The following DSCAM variants were observed in gnomAD, a reference collection of about 807,000 sequenced individuals.
DSCAM encodes the protein cell adhesion molecule DSCAM.
A neutral mutation model predicts 217.7 loss-of-function variants in DSCAM; 47 were observed. That is an observed-to-expected ratio of 0.22 (90% CI 0.17 to 0.28). The LOEUF (loss-of-function observed/expected upper bound fraction) is 0.28, where lower values mean the gene tolerates loss of function less well. DSCAM is among the 10% of genes least tolerant of loss of function. The pLI, the probability that DSCAM is intolerant of heterozygous loss-of-function variation, is 1.00. For missense variants in DSCAM, 2,080 were observed against 2,618.3 expected (o/e 0.79, Z 4.49); for synonymous variants, 1,056 against 1,015.3 (o/e 1.04, Z -0.76).
intron 16 of DSCAM, among the ~76,000 whole-genome samples, chr21:40,147,462 TAAAAAG>T (rs1033320368): frequency 3.3e-4 from 51 of 152,316 alleles, no homozygotes; most frequent in Admixed American, 2.5e-3. Flanking sequence ...AATATTTTGT[TAAAAAG>T]AAAAAGAAAA....
At chr21:40,519,745 A>G (rs984254092) in intron 3 of DSCAM, among the ~76,000 whole-genome samples, 4 of 152,132 alleles carry the variant, frequency 2.6e-5, no homozygotes, top group Non-Finnish European at 4.4e-5. Context: ...ATCATTCTTG[A>G]GCTTCCAGCC....
intron 3 of DSCAM, among the ~76,000 whole-genome samples, chr21:40,458,869 A>G (rs926946963): frequency 7.2e-5 from 11 of 152,176 alleles, no homozygotes; most frequent in African/African-American, 2.7e-4. Flanking sequence ...ATCAGGATTT[A>G]TGACCAAGAA....
rs2091703830 is a variant in DSCAM, at chr21:40,797,658, T to C, written c.43+48961A>G. Among the ~76,000 whole-genome samples the C allele has an allele frequency of 2.0e-5, 3 of 152,002 alleles. No homozygotes were observed. The South Asian group carries it at 6.2e-4, about 32-fold the overall frequency. On this transcript the variant is annotated intron_variant, in intron 1 of 32. Coordinates refer to ENST00000400454, the MANE Select transcript of DSCAM (RefSeq NM_001389.5). Reference sequence around the variant, plus strand: ...CTTGTTATGTAGAATTCATTATCTTTATTTCGGAGTGCAGCCCTATAAACA... The same window carrying C: ...CTTGTTATGTAGAATTCATTATCTTCATTTCGGAGTGCAGCCCTATAAACA...
intron 3 of DSCAM, among the ~76,000 whole-genome samples, chr21:40,511,300 A>G (rs894692785): frequency 2.6e-5 from 4 of 152,182 alleles, no homozygotes; most frequent in African/African-American, 9.7e-5. Context: ...GGCTGATAAA[A>G]AGTGACATTA....
intron 2 of DSCAM, among the ~76,000 whole-genome samples, chr21:40,697,948 T>C (rs2146460259): frequency 6.6e-6 from 1 of 152,328 alleles, no homozygotes; most frequent in African/African-American, 2.4e-5. Flanking sequence ...CTATTAATTC[T>C]TCCAATCAAC....
At chr21:40,184,298 C>T (rs866868001) in intron 14 of DSCAM, among the ~76,000 whole-genome samples, 11 of 152,192 alleles carry the variant, frequency 7.2e-5, no homozygotes, top group African/African-American at 2.4e-4. Flanking sequence ...TAACACAACT[C>T]GTACAGCAGT....
At chr21:40,402,893 C>A (rs921309965) in intron 3 of DSCAM, among the ~76,000 whole-genome samples, 1 of 152,014 alleles carries the variant, frequency 6.6e-6, no homozygotes, top group Admixed American at 6.6e-5. Flanking sequence ...TAAATTATTT[C>A]TTTGTATTAC....
chr21:40,822,679 T>C (rs1262372533), intron 1 of DSCAM, among the ~76,000 whole-genome samples: 1 of 152,206 alleles, frequency 6.6e-6, no homozygotes, highest in Non-Finnish European at 1.5e-5. Flanking sequence ...TAACATTCTG[T>C]ATCATGATCA....
intron 15 of DSCAM, among the ~76,000 whole-genome samples, chr21:40,172,763 G>T (rs778278670): frequency 2.0e-5 from 3 of 152,144 alleles, no homozygotes; most frequent in Non-Finnish European, 4.4e-5. Context: ...TATGTGCCAG[G>T]TCCTAAACTA....
chr21:40,256,387 GGAGAGAGAGAGACAGACAGA>G (rs1428514579), intron 11 of DSCAM, among the ~76,000 whole-genome samples: 1 of 148,930 alleles, frequency 6.7e-6, no homozygotes, highest in Non-Finnish European at 1.5e-5. Flanking sequence ...AGAACCAATA[GGAGAGAGAGAGACAGACAGA>G]GAGAGAGAGA....
chr21:40,669,724 G>A (rs953182140), intron 3 of DSCAM, among the ~76,000 whole-genome samples: 5 of 151,746 alleles, frequency 3.3e-5, no homozygotes, highest in South Asian at 2.1e-4. Flanking sequence ...GATTACAGGC[G>A]TGTGCCACCA....
intron 3 of DSCAM, among the ~76,000 whole-genome samples, chr21:40,571,118 A>C (rs1411548509): frequency 6.6e-6 from 1 of 152,144 alleles, no homozygotes; most frequent in Non-Finnish European, 1.5e-5. Flanking sequence ...GAAATCTTAA[A>C]AGTAGCAAGA....
At chr21:40,015,513 T>C (rs1320109981) in intron 32 of DSCAM, among the ~76,000 whole-genome samples, 1 of 151,768 alleles carries the variant, frequency 6.6e-6, no homozygotes, top group Non-Finnish European at 1.5e-5. Flanking sequence ...CACTGTAGCC[T>C]CAAACTCCTG....
chr21:40,694,546 A>G (rs982901784), intron 2 of DSCAM, among the ~76,000 whole-genome samples: 1 of 152,100 alleles, frequency 6.6e-6, no homozygotes, highest in Admixed American at 6.6e-5. Flanking sequence ...TCCAGTTTCC[A>G]TTTTTAACAT....
chr21:40,525,960 C>A (rs1353927322), intron 3 of DSCAM, among the ~76,000 whole-genome samples: 1 of 152,010 alleles, frequency 6.6e-6, no homozygotes, highest in African/African-American at 2.4e-5. Context: ...TGTACCAAAT[C>A]TCTCGGGGGC....
At chr21:40,597,125 C>T (rs1160984642) in intron 3 of DSCAM, among the ~76,000 whole-genome samples, 1 of 152,172 alleles carries the variant, frequency 6.6e-6, no homozygotes, top group Non-Finnish European at 1.5e-5. Context: ...TCTAATAAAA[C>T]ACACTCTCAA....
chr21:40,697,509 T>TA (rs1353762447), intron 2 of DSCAM, among the ~76,000 whole-genome samples: 1 of 152,206 alleles, frequency 6.6e-6, no homozygotes, highest in Non-Finnish European at 1.5e-5. Context: ...TTGATTTTCA[T>TA]ACACAGTTAA....
rs1211212396 is a variant in DSCAM, at chr21:40,036,296, A to C, written c.5686+6075T>G. Among the ~76,000 whole-genome samples, 203 of 150,022 alleles carry C rather than the reference A, an allele frequency of 1.4e-3. 19 individuals carry two copies. Among genetic ancestry groups the C allele is most frequent in the African/African-American group, 4.7e-3 (184 of 39,540 alleles). ...AGACTAATAAAGAGAAAAAGAGAGA[A>C]GAATCAAATAGATGCAATAAAAAAT... On this transcript the variant is annotated intron_variant, in intron 32 of 32. Coordinates refer to ENST00000400454, the MANE Select transcript of DSCAM (RefSeq NM_001389.5).
At chr21:40,554,413 G>A (rs777967198) in intron 3 of DSCAM, among the ~76,000 whole-genome samples, 8 of 152,232 alleles carry the variant, frequency 5.3e-5, no homozygotes, top group Non-Finnish European at 8.8e-5. Context: ...CCCCTGGCCA[G>A]TACCATGGGG....
Sources: allele counts gnomAD v4.1 joint callset (sites outside exome capture counted in the v4.1 genomes callset), GRCh38; gene constraint gnomAD v4.1.1; transcripts MANE v1.5; gene names NCBI Gene and HGNC (gene_info 2026-07-23, HGNC 2026-07-21).